GOLPH3: variants seen among roughly 807,000 people sequenced by gnomAD.
GOLPH3 encodes coat protein GPP34.
Under a neutral mutation model 28.5 loss-of-function variants are expected in GOLPH3, and 14 were observed. The ratio of observed to expected loss-of-function variants is 0.49; its 90% CI spans 0.32 to 0.77. The LOEUF is 0.77. Ranked by LOEUF, GOLPH3 falls within the 30% of genes least tolerant of loss-of-function variation. The probability of loss-of-function intolerance (pLI) is 0.03; values close to 1 mark genes in which losing one functional copy is unlikely to be tolerated. For missense variants in GOLPH3, 350 were observed against 393.7 expected (o/e 0.89, Z 0.94); for synonymous variants, 158 against 159.2 (o/e 0.99, Z 0.06).
intron 2 of GOLPH3, 97 bp from the exon 3 acceptor site, chr5:32,135,783 AT>A (rs1318814138): frequency 2.8e-6 from 2 of 706,250 alleles, no homozygotes; most frequent in African/African-American, 3.6e-5. Context: ...ATAATTCATT[AT>A]GCTTAAAGCC....
rs772867104 is a variant in GOLPH3 at position 32,126,438 on chromosome 5, T to C, written c.671A>G (p.Lys224Arg). 2 of 1,614,154 alleles carry C rather than the reference T, an allele frequency of 1.2e-6. No homozygotes were observed. Among genetic ancestry groups the C allele is most frequent in the Non-Finnish European group, 1.7e-6 (2 of 1,180,024 alleles). The change falls in exon 4 of 4, where the codon AAA (lysine) becomes AGA (arginine). Residue 224 changes from lysine to arginine, a missense_variant. Transcript: ENST00000265070. ...CATGCGGTGAGGGTCATTCACCCATTTGTCAAGAACGGCTTCCTGTACTTT... is the reference window on the plus strand; with the variant it reads ...CATGCGGTGAGGGTCATTCACCCATCTGTCAAGAACGGCTTCCTGTACTTT... ...IKKVQEAVLD[K>R]WVNDPHRMDR...
At chr5:32,135,345 G>C (rs914458949) in intron 3 of GOLPH3, among the ~76,000 whole-genome samples, 1 of 152,156 alleles carries the variant, frequency 6.6e-6, no homozygotes, top group Non-Finnish European at 1.5e-5. Flanking sequence ...AAAGAACATG[G>C]GAGCTCTAAG....
intron 3 of GOLPH3, 85 bp from the exon 4 acceptor site, chr5:32,126,721 T>C: frequency 9.6e-7 from 1 of 1,043,052 alleles, no homozygotes; most frequent in Non-Finnish European, 1.4e-6. Context: ...CAGTAAAATC[T>C]GATTTTGCCC....
chr5:32,138,227 G>A (rs1745978294), intron 2 of GOLPH3, among the ~76,000 whole-genome samples: 1 of 152,042 alleles, frequency 6.6e-6, no homozygotes, highest in Non-Finnish European at 1.5e-5. Context: ...TTAAAATGCT[G>A]AGAGTCCTCT....
At chr5:32,149,986 GAA>G (rs752842342) in intron 1 of GOLPH3, among the ~76,000 whole-genome samples, 1 of 130,788 alleles carries the variant, frequency 7.6e-6, no homozygotes. Context: ...ACTGTCTCAA[GAA>G]AAAAAAAAAA....
At chr5:32,145,385 G>A (rs1746164574) in intron 1 of GOLPH3, among the ~76,000 whole-genome samples, 1 of 152,202 alleles carries the variant, frequency 6.6e-6, no homozygotes. Context: ...ATTTAGCAAA[G>A]TGGCTAATAA....
rs1745644588 is a variant in GOLPH3 at position 32,125,003 on chromosome 5, T to C, written c.*1209A>G. The C allele has an allele frequency of 6.6e-6, 1 of 152,648 alleles. No individual in the cohort carries two copies. The highest frequency in any genetic ancestry group is 2.1e-4 in the South Asian group (1 of 4,826). The allele number at this position is 152,648 out of a possible 1,614,324, so 9.5% of individuals were successfully genotyped here. A position where few individuals can be genotyped will look rare whatever the true frequency, so the allele number is the denominator to read the frequency against. ...TGATAAAGAAATAGTAAAAATAAAC[T>C]TTAAAAAGCAAAGGTTTATAGTCTG... is the stretch of plus-strand genomic sequence containing the variant. On this transcript the variant is annotated 3_prime_UTR_variant, in exon 4 of 4. Coordinates refer to ENST00000265070, the MANE Select transcript of GOLPH3 (RefSeq NM_022130.4).
chr5:32,144,428 C>CA (rs1561667820), intron 1 of GOLPH3, among the ~76,000 whole-genome samples: 1 of 151,966 alleles, frequency 6.6e-6, no homozygotes, highest in Admixed American at 6.6e-5. Flanking sequence ...CTGTTTCTAC[C>CA]AAAAAAAATT....
intron 1 of GOLPH3, among the ~76,000 whole-genome samples, chr5:32,149,636 G>T (rs1746261171): frequency 6.6e-6 from 1 of 152,198 alleles, no homozygotes; most frequent in Admixed American, 6.5e-5. Flanking sequence ...GAATGAAGGT[G>T]ACTTCAGGTA....
chr5:32,163,151 T>G (rs1397834608), intron 1 of GOLPH3, among the ~76,000 whole-genome samples: 1 of 152,212 alleles, frequency 6.6e-6, no homozygotes, highest in Non-Finnish European at 1.5e-5. Flanking sequence ...AAATATTTAT[T>G]CTAATTCTTT....
chr5:32,135,523 G>T, intron 3 of GOLPH3, 49 bp downstream of exon 3: 1 of 1,132,026 alleles, frequency 8.8e-7, no homozygotes, highest in Non-Finnish European at 1.3e-6. Flanking sequence ...TTTAAACTTC[G>T]CAATCTTTTA....
intron 2 of GOLPH3, among the ~76,000 whole-genome samples, chr5:32,140,241 C>T (rs1339226924): frequency 2.0e-5 from 3 of 151,762 alleles, no homozygotes; most frequent in Admixed American, 2.0e-4. Context: ...CAGTGGCTCA[C>T]GTCTGTAATC....
intron 1 of GOLPH3, among the ~76,000 whole-genome samples, chr5:32,161,274 A>C (rs1746569796): frequency 6.7e-6 from 1 of 150,048 alleles, no homozygotes; most frequent in African/African-American, 2.5e-5. Flanking sequence ...ATAGTGGCGC[A>C]CGCCTGTAGT....
chr5:32,165,378 T>A (rs1746687776), intron 1 of GOLPH3, among the ~76,000 whole-genome samples: 1 of 152,080 alleles, frequency 6.6e-6, no homozygotes, highest in Non-Finnish European at 1.5e-5. Flanking sequence ...AGGTCATGAG[T>A]TTGAGACCAG....
intron 3 of GOLPH3, among the ~76,000 whole-genome samples, chr5:32,134,004 T>C (rs1269857332): frequency 6.6e-6 from 1 of 152,180 alleles, no homozygotes; most frequent in Non-Finnish European, 1.5e-5. Context: ...ATAATGAACC[T>C]TGCCTTAAGT....
chr5:32,173,252 CT>C (rs1185382568), intron 1 of GOLPH3, among the ~76,000 whole-genome samples: 2 of 152,110 alleles, frequency 1.3e-5, no homozygotes. Context: ...AGAAACTTAA[CT>C]TAACTTTACT....
chr5:32,138,336 G>A (rs1456592873), intron 2 of GOLPH3, among the ~76,000 whole-genome samples: 2 of 152,054 alleles, frequency 1.3e-5, no homozygotes, highest in African/African-American at 4.8e-5. Context: ...ATGACCAGCA[G>A]AAATATAAAA....
chr5:32,138,005 G>A (rs1745973823), intron 2 of GOLPH3, among the ~76,000 whole-genome samples: 1 of 150,136 alleles, frequency 6.7e-6, no homozygotes, highest in Non-Finnish European at 1.5e-5. Flanking sequence ...CAGGGTTCAA[G>A]CAATTCTCCT....
intron 1 of GOLPH3, among the ~76,000 whole-genome samples, chr5:32,158,966 T>C (rs983716274): frequency 6.6e-6 from 1 of 152,230 alleles, no homozygotes; most frequent in African/African-American, 2.4e-5. Flanking sequence ...TTAGGAAACC[T>C]TGTAAAGTAG....
Sources: allele counts gnomAD v4.1 joint callset (sites outside exome capture counted in the v4.1 genomes callset), GRCh38; gene constraint gnomAD v4.1.1; transcripts MANE v1.5; gene names NCBI Gene and HGNC (gene_info 2026-07-23, HGNC 2026-07-21).